The following PRELID2 variants were observed in gnomAD, a reference collection of about 807,000 sequenced individuals.
PRELID2 encodes the protein PRELI domain-containing protein 2.
Under a neutral mutation model 28.4 loss-of-function variants are expected in PRELID2, and 25 were observed. That is an observed-to-expected ratio of 0.88 (90% CI 0.64 to 1.23). The LOEUF (loss-of-function observed/expected upper bound fraction) is 1.23, where lower values mean the gene tolerates loss of function less well. Among genes scored for constraint, PRELID2 ranks in the 50% most tolerant of loss-of-function variants. The pLI, the probability that PRELID2 is intolerant of heterozygous loss-of-function variation, is 0.00. For synonymous variants in PRELID2, 76 were observed against 71.6 expected (o/e 1.06, Z -0.31); for missense variants, 201 against 214.4 (o/e 0.94, Z 0.39).
chr5:145,335,341 C>T, the PRELID2 span, among the ~76,000 whole-genome samples: 1 of 151,946 alleles, frequency 6.6e-6, no homozygotes, highest in Non-Finnish European at 1.5e-5. Context: ...CTTTGTATAA[C>T]TTCTAATTTT....
intron 1 of PRELID2, among the ~76,000 whole-genome samples, chr5:145,720,211 G>T (rs1331574554): frequency 4.0e-5 from 6 of 151,518 alleles, no homozygotes; most frequent in African/African-American, 7.3e-5. Context: ...AAATGTTCAG[G>T]AAATTACAGA....
In PRELID2 at chr5:145,652,679, C is replaced by A. The variant is rs369999571; in HGVS notation, n.70+112252G>T. Among the ~76,000 whole-genome samples, 79 of 152,282 alleles carry A rather than the reference C, an allele frequency of 5.2e-4. No individual in the cohort carries two copies. In the East Asian group the frequency reaches 0.013, roughly 25 times the overall value. On this transcript the variant is annotated intron_variant and non_coding_transcript_variant, in intron 1 of 2. Transcript: ENST00000510259. ...TTCATAAGTGAAGGAGAAATAAAAT[C>A]CTTTACAGACAAGCAAATGCTGAGA...
chr5:145,639,233 T>A (rs886866630), intron 1 of PRELID2, among the ~76,000 whole-genome samples: 2 of 152,156 alleles, frequency 1.3e-5, no homozygotes, highest in Admixed American at 1.3e-4. Context: ...TATTATTTTG[T>A]TAAGAGCAAT....
chr5:145,597,365 A>G (rs1381971289), intron 1 of PRELID2, among the ~76,000 whole-genome samples: 3 of 152,214 alleles, frequency 2.0e-5, no homozygotes, highest in Non-Finnish European at 4.4e-5. Context: ...GGTACATGAC[A>G]TAACAGATCT....
At chr5:145,572,759 G>C (rs1753025453) in intron 1 of PRELID2, among the ~76,000 whole-genome samples, 1 of 152,110 alleles carries the variant, frequency 6.6e-6, no homozygotes. Flanking sequence ...ACACATTAGT[G>C]CTGGGCGGAA....
intron 1 of PRELID2, among the ~76,000 whole-genome samples, chr5:145,592,793 AC>A (rs1215091478): frequency 6.6e-6 from 1 of 152,208 alleles, no homozygotes; most frequent in Non-Finnish European, 1.5e-5. Context: ...TAAAAATGCA[AC>A]CGACAGACAT....
At chr5:145,698,491 T>C (rs1755331481) in intron 1 of PRELID2, among the ~76,000 whole-genome samples, 1 of 152,160 alleles carries the variant, frequency 6.6e-6, no homozygotes, top group Admixed American at 6.5e-5. Context: ...AACAGAATCT[T>C]ATTTCTCACA....
chr5:145,279,426 T>C, the PRELID2 span, among the ~76,000 whole-genome samples: 8 of 152,194 alleles, frequency 5.3e-5, no homozygotes, highest in African/African-American at 1.9e-4. Context: ...CACTTGGTGA[T>C]GGTGTGATTT....
At chr5:145,274,229 A>G in the PRELID2 span, among the ~76,000 whole-genome samples, 1 of 152,286 alleles carries the variant, frequency 6.6e-6, no homozygotes, top group Admixed American at 6.5e-5. Flanking sequence ...GGCTATAGTT[A>G]CGACAATAGA....
chr5:145,387,228 A>AT, the PRELID2 span, among the ~76,000 whole-genome samples: 1 of 152,100 alleles, frequency 6.6e-6, no homozygotes, highest in Admixed American at 6.6e-5. Flanking sequence ...AAAGCCTTTT[A>AT]TTTTTTTAAA....
At chr5:145,261,821 T>C in the PRELID2 span, among the ~76,000 whole-genome samples, 1 of 152,076 alleles carries the variant, frequency 6.6e-6, no homozygotes, top group Non-Finnish European at 1.5e-5. Flanking sequence ...TCACCAGCAA[T>C]GGATCCAAAC....
At chr5:145,671,486 A>G (rs1227959790) in intron 1 of PRELID2, among the ~76,000 whole-genome samples, 1 of 152,192 alleles carries the variant, frequency 6.6e-6, no homozygotes. Flanking sequence ...TAGTTTTGAC[A>G]ACAAAGAGCA....
chr5:145,333,849 G>T, the PRELID2 span, among the ~76,000 whole-genome samples: 3 of 150,568 alleles, frequency 2.0e-5, no homozygotes, highest in Admixed American at 6.6e-5. Flanking sequence ...CCTGCAGCTA[G>T]CTCAGTGTCT....
At chr5:145,833,372 T>C (rs2094172787) in intron 1 of PRELID2, among the ~76,000 whole-genome samples, 1 of 152,068 alleles carries the variant, frequency 6.6e-6, no homozygotes, top group Non-Finnish European at 1.5e-5. Flanking sequence ...CCAAAAAGAC[T>C]TTACAAAGGA....
In PRELID2 at chr5:145,756,498, A is replaced by G. The variant is rs963830151; in HGVS notation, c.*4038T>C. Among the ~76,000 whole-genome samples, 1 of 152,212 alleles carries G rather than the reference A, an allele frequency of 6.6e-6. No homozygotes were observed. Among genetic ancestry groups the G allele is most frequent in the African/African-American group, 2.4e-5 (1 of 41,468 alleles). Reference sequence around the variant, plus strand: ...TCATTTTTTGAGTTTTAATCCTCTTAAGTTTCACATTATAGAACTGAATAC... The same window carrying G: ...TCATTTTTTGAGTTTTAATCCTCTTGAGTTTCACATTATAGAACTGAATAC... On this transcript the variant is annotated 3_prime_UTR_variant, in exon 7 of 7. Transcript: ENST00000683046.
chr5:145,302,684 T>C, the PRELID2 span, among the ~76,000 whole-genome samples: 1 of 151,974 alleles, frequency 6.6e-6, no homozygotes, highest in Non-Finnish European at 1.5e-5. Flanking sequence ...TAAATGTGAT[T>C]AGTATTAATA....
intron 2 of PRELID2, among the ~76,000 whole-genome samples, chr5:145,822,199 G>T (rs1754878285): frequency 6.6e-6 from 1 of 152,154 alleles, no homozygotes; most frequent in African/African-American, 2.4e-5. Flanking sequence ...TATGTGCATT[G>T]TCACAGCTTC....
chr5:145,409,752 A>G, the PRELID2 span, among the ~76,000 whole-genome samples: 1 of 145,524 alleles, frequency 6.9e-6, no homozygotes. Flanking sequence ...TCTCTACTGA[A>G]AAAAAAAAAA....
chr5:145,771,057 C>T (rs1031175341), intron 5 of PRELID2, among the ~76,000 whole-genome samples: 5 of 152,062 alleles, frequency 3.3e-5, no homozygotes, highest in Admixed American at 3.3e-4. Flanking sequence ...TACTGACTCG[C>T]CCACCCAGAG....
Sources: gnomAD v4.1 joint callset for allele counts (sites outside exome capture counted in the v4.1 genomes callset) on GRCh38, gnomAD v4.1.1 for gene constraint, MANE v1.5 for transcripts, NCBI Gene and HGNC (gene_info 2026-07-23, HGNC 2026-07-21) for gene names.